Variants in RAPGEF2 observed in about 807,000 individuals in gnomAD.
RAPGEF2 encodes PDZ domain containing guanine nucleotide exchange factor (GEF) 1.
A neutral mutation model predicts 186.7 loss-of-function variants in RAPGEF2; 54 were observed. The ratio of observed to expected loss-of-function variants is 0.29; its 90% CI spans 0.23 to 0.36. The LOEUF (loss-of-function observed/expected upper bound fraction) is 0.36, where lower values mean the gene tolerates loss of function less well. Ranked by LOEUF, RAPGEF2 falls within the 10% of genes least tolerant of loss-of-function variation. The pLI is 1.00. For synonymous variants in RAPGEF2, 712 were observed against 705.9 expected (o/e 1.01, Z -0.14); for missense variants, 1,532 against 2,045.0 (o/e 0.75, Z 4.84).
intron 7 of RAPGEF2, among the ~76,000 whole-genome samples, chr4:159,259,637 A>G (rs978092513): frequency 2.6e-4 from 39 of 152,204 alleles, no homozygotes; most frequent in African/African-American, 9.4e-4. Flanking sequence ...TCTTGCAGAA[A>G]GATCTTTTGT....
At chr4:159,268,168 G>T in intron 7 of RAPGEF2, 1 of 1,612,998 alleles carries the variant, frequency 6.2e-7, no homozygotes, top group East Asian at 2.2e-5. Flanking sequence ...GAAACCACTA[G>T]CAATCCCAGC....
intron 4 of RAPGEF2, among the ~76,000 whole-genome samples, chr4:159,236,877 T>C (rs1753326518): frequency 6.6e-6 from 1 of 152,234 alleles, no homozygotes; most frequent in African/African-American, 2.4e-5. Flanking sequence ...GATAGATTTA[T>C]TATGTTGTTC....
At chr4:159,218,055 C>T (rs1751149709) in intron 4 of RAPGEF2, among the ~76,000 whole-genome samples, 1 of 152,192 alleles carries the variant, frequency 6.6e-6, no homozygotes, top group African/African-American at 2.4e-5. Context: ...CAATGACTTA[C>T]TGGAGATGCC....
intron 1 of RAPGEF2, among the ~76,000 whole-genome samples, chr4:159,132,907 A>G (rs1387443146): frequency 6.7e-6 from 1 of 149,714 alleles, no homozygotes; most frequent in African/African-American, 2.5e-5. Context: ...CATAGTTCAC[A>G]TGTCAAAAAG....
chr4:159,271,863 C>A (rs1758175647), intron 7 of RAPGEF2, among the ~76,000 whole-genome samples: 1 of 152,164 alleles, frequency 6.6e-6, no homozygotes, highest in Admixed American at 6.5e-5. Context: ...GTCAATAATA[C>A]ATCTATCCAT....
At chr4:159,261,063 GTTAATTTTTTTT>G (rs1756787661) in intron 7 of RAPGEF2, among the ~76,000 whole-genome samples, 1 of 138,956 alleles carries the variant, frequency 7.2e-6, no homozygotes, top group African/African-American at 2.6e-5. Flanking sequence ...CCAGGAAAAG[GTTAATTTTTTTT>G]TTTTTTAGAC....
At chr4:159,125,330 A>G (rs1740167994) in intron 1 of RAPGEF2, among the ~76,000 whole-genome samples, 1 of 152,128 alleles carries the variant, frequency 6.6e-6, no homozygotes, top group Non-Finnish European at 1.5e-5. Flanking sequence ...GAGACTGTTT[A>G]CTCTTTATTG....
intron 1 of RAPGEF2, among the ~76,000 whole-genome samples, chr4:159,118,876 C>T (rs575914366): frequency 6.6e-5 from 10 of 152,294 alleles, no homozygotes; most frequent in South Asian, 2.1e-4. Context: ...TGAGCCACCG[C>T]GCCCGGCCCT....
intron 1 of RAPGEF2, among the ~76,000 whole-genome samples, chr4:159,159,644 A>G (rs546246181): frequency 6.6e-6 from 1 of 152,364 alleles, no homozygotes; most frequent in Non-Finnish European, 1.5e-5. Context: ...TCGTCTGACC[A>G]CTGAAAAATT....
intron 1 of RAPGEF2, among the ~76,000 whole-genome samples, chr4:159,123,942 G>A (rs1374120369): frequency 6.6e-6 from 1 of 151,962 alleles, no homozygotes; most frequent in Non-Finnish European, 1.5e-5. Flanking sequence ...CGCAAACTCT[G>A]CCTCCCGGGT....
intron 1 of RAPGEF2, among the ~76,000 whole-genome samples, chr4:159,133,467 A>C (rs1286214538): frequency 4.0e-5 from 6 of 150,226 alleles, no homozygotes. Flanking sequence ...GCTGGAGTGT[A>C]GTGGTGCGAT....
Position 159,104,154 on chromosome 4 carries a change from A to G in RAPGEF2, c.-9A>G, listed in dbSNP as rs1235448571. 3.4e-5 allele frequency: 52 copies of G among 1,517,684 alleles called. No homozygotes were observed. The highest frequency in any genetic ancestry group is 5.1e-5 in the East Asian group (2 of 39,258). 94.0% of individuals were successfully genotyped at this position (1,517,684 alleles called of 1,614,324 possible). A position where few individuals can be genotyped will look rare whatever the true frequency, so the allele number is the denominator to read the frequency against. The stretch of plus-strand genomic sequence containing the variant: ...TGCGGAGCGGCCCCGGCCCGCTCCC[A>G]GAGGGGAGATGGCGTCCTACGTAGA... On this transcript the variant is annotated 5_prime_UTR_variant, in exon 1 of 30. Coordinates refer to ENST00000691494, the MANE Select transcript of RAPGEF2 (RefSeq NM_001394067.2).
intron 25 of RAPGEF2, among the ~76,000 whole-genome samples, chr4:159,347,653 G>A (rs1194204992): frequency 1.3e-5 from 2 of 152,118 alleles, no homozygotes; most frequent in Non-Finnish European, 2.9e-5. Flanking sequence ...GCGTGGTGGC[G>A]GGCGCCTGTA....
At chr4:159,128,901 G>GTATA (rs1352230128) in intron 1 of RAPGEF2, 14 of 139,478 alleles carry the variant, frequency 1.0e-4, no homozygotes, top group African/African-American at 3.7e-4. Context: ...AAGAGTGTGT[G>GTATA]TATATATATA....
At chr4:159,341,193 G>A (rs1729425016) in intron 19 of RAPGEF2, among the ~76,000 whole-genome samples, 1 of 152,194 alleles carries the variant, frequency 6.6e-6, no homozygotes, top group Non-Finnish European at 1.5e-5. Context: ...ACGTACTTGG[G>A]TCTAATCTTT....
intron 14 of RAPGEF2, 38 bp from the exon 15 acceptor site, chr4:159,331,578 ATTTTATTCAGCCTG>A (rs1398890584): frequency 6.2e-7 from 1 of 1,610,892 alleles, no homozygotes; most frequent in South Asian, 1.1e-5. Flanking sequence ...CTTAAAGTTC[ATTTTATTCAGCCTG>A]TTCTTGAGTT....
chr4:159,304,245 A>G, intron 7 of RAPGEF2, 97 bp from the exon 8 acceptor site: 1 of 1,142,170 alleles, frequency 8.8e-7, no homozygotes, highest in East Asian at 2.7e-5. Flanking sequence ...TTTTTAGTTC[A>G]ATGGTATAGA....
At chr4:159,233,087 C>T (rs1287024610) in intron 4 of RAPGEF2, among the ~76,000 whole-genome samples, 1 of 152,126 alleles carries the variant, frequency 6.6e-6, no homozygotes, top group Non-Finnish European at 1.5e-5. Flanking sequence ...TTTACAAATA[C>T]TTTCTCTTAT....
intron 4 of RAPGEF2, among the ~76,000 whole-genome samples, chr4:159,214,416 G>A (rs1750815009): frequency 6.6e-6 from 1 of 152,168 alleles, no homozygotes; most frequent in Admixed American, 6.5e-5. Context: ...TATCTTATGA[G>A]GTTGCAGATT....
Sources: gnomAD v4.1 joint callset for allele counts (sites outside exome capture counted in the v4.1 genomes callset) on GRCh38, gnomAD v4.1.1 for gene constraint, MANE v1.5 for transcripts, NCBI Gene and HGNC (gene_info 2026-07-23, HGNC 2026-07-21) for gene names.